NEIL3: variants seen among roughly 807,000 people sequenced by gnomAD.
NEIL3 encodes endonuclease 8-like 3.
Under a neutral mutation model 57.5 loss-of-function variants are expected in NEIL3, and 48 were observed. That is an observed-to-expected ratio of 0.83 (90% CI 0.66 to 1.06). The LOEUF is 1.06. Among genes scored for constraint, NEIL3 ranks in the 50% least tolerant of loss-of-function variants. The probability of loss-of-function intolerance (pLI) is 0.00; values close to 1 mark genes in which losing one functional copy is unlikely to be tolerated. For synonymous variants in NEIL3, 261 were observed against 253.2 expected, an observed-to-expected ratio of 1.03 and a Z score of -0.29; for missense variants, 717 against 739.1, an observed-to-expected ratio of 0.97 and a Z score of 0.35.
chr4:177,339,128 C>A (rs1052108261), intron 4 of NEIL3, among the ~76,000 whole-genome samples: 1 of 149,460 alleles, frequency 6.7e-6, no homozygotes, highest in South Asian at 2.1e-4. Context: ...GCTAACCCCT[C>A]CCATTGAAAA....
chr4:177,365,481 CATTT>C (rs1045804731), downstream of NEIL3, among the ~76,000 whole-genome samples: 3 of 152,146 alleles, frequency 2.0e-5, no homozygotes, highest in African/African-American at 7.2e-5. Flanking sequence ...CATTTGCAAA[CATTT>C]ATTCTGTGAG....
At chr4:177,320,582 A>G (rs1734663100) in intron 1 of NEIL3, among the ~76,000 whole-genome samples, 2 of 139,520 alleles carry the variant, frequency 1.4e-5, no homozygotes, top group African/African-American at 5.5e-5. Flanking sequence ...GGTTCACGCC[A>G]TTCTCCTGAC....
chr4:177,336,319 A>G lies in NEIL3; in HGVS notation c.625A>G (p.Lys209Glu). 1 of 1,611,266 alleles carries G rather than the reference A, an allele frequency of 6.2e-7. No individual in the cohort carries two copies. Among genetic ancestry groups the G allele is most frequent in the Non-Finnish European group, 8.5e-7 (1 of 1,178,864 alleles). ...TGACAGTGGTCTCCACCCAGCTGTT[A>G]AAGTAAGTTTTAAGTATTTTTTTAA... ...LFDSGLHPAV[K>E]VCQLTDEQIH... Residue 209 changes from lysine to glutamate, a missense_variant and splice_region_variant, in exon 4 of 10, where the codon AAA becomes GAA. Transcript: ENST00000264596.
At chr4:177,360,438 T>G (rs1735583735) in intron 8 of NEIL3, 65 bp from the exon 9 acceptor site, 1 of 1,159,440 alleles carries the variant, frequency 8.6e-7, no homozygotes, top group Admixed American at 2.4e-5. Flanking sequence ...CATGTGGGGG[T>G]AAAGTGGTGT....
intron 1 of NEIL3, among the ~76,000 whole-genome samples, chr4:177,312,200 G>T (rs575358355): frequency 1.3e-5 from 2 of 152,110 alleles, no homozygotes; most frequent in Non-Finnish European, 2.9e-5. Context: ...TACAGATGAG[G>T]CATATGAGGC....
chr4:177,364,606 A>G (rs1209943163), downstream of NEIL3, among the ~76,000 whole-genome samples: 1 of 152,142 alleles, frequency 6.6e-6, no homozygotes, highest in Non-Finnish European at 1.5e-5. Flanking sequence ...TATGCATGGG[A>G]CAAACTGAAC....
At chr4:177,358,961 G>A (rs886931172) in intron 8 of NEIL3, among the ~76,000 whole-genome samples, 2 of 152,152 alleles carry the variant, frequency 1.3e-5, no homozygotes, top group Admixed American at 6.5e-5. Flanking sequence ...TTTTAAGAGA[G>A]CATTGTTTAT....
chr4:177,312,860 G>GAT (rs1443237044), intron 1 of NEIL3, among the ~76,000 whole-genome samples: 3 of 151,146 alleles, frequency 2.0e-5, no homozygotes, highest in African/African-American at 7.3e-5. Flanking sequence ...CTGGGACTTT[G>GAT]ATCTGAAAAA....
chr4:177,315,706 C>T (rs1253888215), intron 1 of NEIL3, among the ~76,000 whole-genome samples: 1 of 152,096 alleles, frequency 6.6e-6, no homozygotes, highest in African/African-American at 2.4e-5. Flanking sequence ...TAGAACAAAC[C>T]ATTACCAGTA....
At chr4:177,311,434 G>C (rs1266619431) in intron 1 of NEIL3, among the ~76,000 whole-genome samples, 2 of 151,980 alleles carry the variant, frequency 1.3e-5, no homozygotes, top group Non-Finnish European at 2.9e-5. Context: ...CCAGCACTTT[G>C]GGATGCTGAG....
intron 4 of NEIL3, among the ~76,000 whole-genome samples, chr4:177,338,765 A>G (rs1354596510): frequency 6.6e-6 from 1 of 152,210 alleles, no homozygotes; most frequent in African/African-American, 2.4e-5. Context: ...AGAAATGCAT[A>G]TCTTTTCTAA....
At chr4:177,363,810 G>A (rs1052662669), downstream of NEIL3, among the ~76,000 whole-genome samples, 4 of 152,098 alleles carry the variant, frequency 2.6e-5, no homozygotes, top group Non-Finnish European at 5.9e-5. Context: ...CAGTGCAGTA[G>A]CATGATCTTG....
In NEIL3 at chr4:177,347,001, CAAAAAAA is replaced by C. The variant is rs11323162; in HGVS notation, c.870-4370_870-4364del. 2.4e-5 allele frequency among the ~76,000 whole-genome samples: 3 copies of C among 123,398 alleles called. 1 individual carries two copies. The Middle Eastern group carries it at 0.012, about 482-fold the overall frequency. The allele number at this position is 123,398 out of a possible 152,430, so 81.0% of individuals were successfully genotyped here. On this transcript the variant is annotated intron_variant, in intron 6 of 9. Transcript: ENST00000264596. ...TAGGTAACAGAGCGAGACTCCGTCT[CAAAAAAA>C]AAAAAAAAGAAAAAGAAAAAACCTA...
chr4:177,321,244 G>A (rs6830266), intron 1 of NEIL3, among the ~76,000 whole-genome samples: 40,914 of 151,896 alleles, frequency 0.27, 7,355 homozygotes, highest in African/African-American at 0.5. Flanking sequence ...CCAAGGTTTC[G>A]TTCAGAATCT....
intron 4 of NEIL3, among the ~76,000 whole-genome samples, chr4:177,337,997 A>G (rs1735009816): frequency 1.3e-5 from 2 of 149,302 alleles, no homozygotes; most frequent in Admixed American, 6.7e-5. Context: ...GCAGTCTGGC[A>G]ACAGAGCGAG....
rs35345377 is a variant in NEIL3, at chr4:177,341,266, T to C, written c.703-210T>C. 3.6e-3 allele frequency among the ~76,000 whole-genome samples: 549 copies of C among 152,318 alleles called. 3 individuals carry two copies. The highest frequency in any genetic ancestry group is 0.012 in the African/African-American group (517 of 41,574). On this transcript the variant is annotated intron_variant, in intron 5 of 9. Coordinates refer to ENST00000264596, the MANE Select transcript of NEIL3 (RefSeq NM_018248.3). Reference sequence around the variant, plus strand: ...AATACTAATGTCATTAAATAATGACTTATTTCACACAAATTTTATTTGACA... The same window carrying C: ...AATACTAATGTCATTAAATAATGACCTATTTCACACAAATTTTATTTGACA...
intron 2 of NEIL3, among the ~76,000 whole-genome samples, chr4:177,332,371 G>T (rs1226839374): frequency 6.6e-6 from 1 of 152,130 alleles, no homozygotes; most frequent in East Asian, 1.9e-4. Flanking sequence ...CTTGGGCTGG[G>T]TGGCCGAAGG....
intron 2 of NEIL3, among the ~76,000 whole-genome samples, chr4:177,331,491 T>G (rs1009566619): frequency 6.6e-6 from 1 of 152,048 alleles, no homozygotes; most frequent in African/African-American, 2.4e-5. Flanking sequence ...AATCAATATT[T>G]TAAGTTTAAA....
At chr4:177,317,370 T>C (rs1734594083) in intron 1 of NEIL3, among the ~76,000 whole-genome samples, 1 of 152,190 alleles carries the variant, frequency 6.6e-6, no homozygotes, top group South Asian at 2.1e-4. Context: ...TCAATTTCCA[T>C]TGACAGCCAT....
Sources: allele counts gnomAD v4.1 joint callset (sites outside exome capture counted in the v4.1 genomes callset), GRCh38; gene constraint gnomAD v4.1.1; transcripts MANE v1.5; gene names NCBI Gene and HGNC (gene_info 2026-07-23, HGNC 2026-07-21).